Variants in TBC1D19 observed in about 807,000 individuals in gnomAD.
The protein encoded by TBC1D19 is TBC1 domain family, member 19.
TBC1D19 carries 60 observed loss-of-function variants against 89.0 expected under a neutral mutation model. The ratio of observed to expected loss-of-function variants is 0.67; its 90% CI spans 0.55 to 0.84. The LOEUF (loss-of-function observed/expected upper bound fraction) is 0.84. Ranked by LOEUF, TBC1D19 falls within the 40% of genes least tolerant of loss-of-function variation. The pLI, the probability that TBC1D19 is intolerant of heterozygous loss-of-function variation, is 0.00. For synonymous variants in TBC1D19, 189 were observed against 199.7 expected, an observed-to-expected ratio of 0.95 and a Z score of 0.45; for missense variants, 500 against 610.8, an observed-to-expected ratio of 0.82 and a Z score of 1.91.
the TBC1D19 span, among the ~76,000 whole-genome samples, chr4:26,769,882 A>G: frequency 6.6e-6 from 1 of 152,136 alleles, no homozygotes; most frequent in Non-Finnish European, 1.5e-5. Context: ...ATGAAATGAT[A>G]TCACTTGAAG....
chr4:26,763,977 C>G, the TBC1D19 span, among the ~76,000 whole-genome samples: 7 of 152,038 alleles, frequency 4.6e-5, no homozygotes, highest in Non-Finnish European at 8.8e-5. Context: ...TTGCAGCACC[C>G]CTAGGTGATG....
intron 11 of TBC1D19, among the ~76,000 whole-genome samples, chr4:26,680,790 C>T (rs1713267449): frequency 1.3e-5 from 2 of 152,064 alleles, no homozygotes. Flanking sequence ...TTTAGTTCAC[C>T]CTGTTTTCTT....
At chr4:26,597,537 TTTTTTTA>T (rs1287792798) in intron 1 of TBC1D19, among the ~76,000 whole-genome samples, 5 of 149,414 alleles carry the variant, frequency 3.3e-5, no homozygotes, top group Admixed American at 3.3e-4. Flanking sequence ...TTTTTTTTTT[TTTTTTTA>T]AGTAGAGACG....
the TBC1D19 span, among the ~76,000 whole-genome samples, chr4:26,794,064 A>C: frequency 3.9e-5 from 6 of 152,302 alleles, no homozygotes; most frequent in African/African-American, 1.2e-4. Flanking sequence ...AGGATGAAGG[A>C]GAACATGTTC....
the TBC1D19 span, among the ~76,000 whole-genome samples, chr4:26,848,445 A>G: frequency 6.6e-6 from 1 of 152,240 alleles, no homozygotes; most frequent in African/African-American, 2.4e-5. Context: ...TCCTGCATGT[A>G]CTAAGGACAT....
intron 11 of TBC1D19, among the ~76,000 whole-genome samples, chr4:26,679,225 T>A (rs1459445940): frequency 6.6e-6 from 1 of 151,830 alleles, no homozygotes; most frequent in Non-Finnish European, 1.5e-5. Context: ...GAGGGAAAAA[T>A]GGTTTCCTGA....
chr4:26,804,541 A>T, the TBC1D19 span, among the ~76,000 whole-genome samples: 1 of 152,222 alleles, frequency 6.6e-6, no homozygotes. Flanking sequence ...TTTCACCTGG[A>T]GGGAGCCAGT....
chr4:26,793,407 C>A, the TBC1D19 span, among the ~76,000 whole-genome samples: 1 of 152,260 alleles, frequency 6.6e-6, no homozygotes, highest in South Asian at 2.1e-4. Flanking sequence ...ACATGACAAC[C>A]AATGGTACAG....
intron 1 of TBC1D19, among the ~76,000 whole-genome samples, chr4:26,596,336 T>C (rs1740209278): frequency 6.6e-6 from 1 of 152,188 alleles, no homozygotes; most frequent in Non-Finnish European, 1.5e-5. Context: ...GGTTGCATTT[T>C]TCAAGGAATT....
upstream of TBC1D19, among the ~76,000 whole-genome samples, chr4:26,582,212 TAA>T (rs1273211314): frequency 2.0e-5 from 3 of 152,070 alleles, no homozygotes; most frequent in African/African-American, 7.2e-5. Context: ...TTTAATTTAT[TAA>T]TATATATTAA....
intron 1 of TBC1D19, among the ~76,000 whole-genome samples, chr4:26,605,214 C>A (rs1178597943): frequency 1.9e-4 from 23 of 121,950 alleles, no homozygotes; most frequent in Non-Finnish European, 1.7e-5. Context: ...TCCCCCCACC[C>A]CACAACAGTC....
At chr4:26,822,725 C>T in the TBC1D19 span, among the ~76,000 whole-genome samples, 1 of 152,160 alleles carries the variant, frequency 6.6e-6, no homozygotes, top group South Asian at 2.1e-4. Context: ...AGTACATTAG[C>T]TACAGTCAAT....
At chr4:26,712,861 C>T (rs1178498839) in intron 13 of TBC1D19, among the ~76,000 whole-genome samples, 2 of 152,038 alleles carry the variant, frequency 1.3e-5, no homozygotes, top group Non-Finnish European at 2.9e-5. Context: ...GATCTGCCCA[C>T]ATGACCCAGA....
chr4:26,605,473 T>C (rs2109995044), intron 1 of TBC1D19, among the ~76,000 whole-genome samples: 1 of 152,160 alleles, frequency 6.6e-6, no homozygotes, highest in South Asian at 2.1e-4. Flanking sequence ...TTTGGGTTGG[T>C]TCCAAGTCTT....
chr4:26,627,822 C>T (rs1413132161), intron 4 of TBC1D19, among the ~76,000 whole-genome samples: 2 of 151,828 alleles, frequency 1.3e-5, no homozygotes, highest in Non-Finnish European at 2.9e-5. Context: ...AAAATTTTCT[C>T]CCATTTTGTA....
chr4:26,732,141 T>C (rs185944872), intron 15 of TBC1D19, among the ~76,000 whole-genome samples: 181 of 152,324 alleles, frequency 1.2e-3, no homozygotes, highest in Non-Finnish European at 1.2e-3. Flanking sequence ...ATATGATTAC[T>C]TTGATAAGAT....
At chr4:26,842,340 C>CTTTTTTTTTTTTTT in the TBC1D19 span, among the ~76,000 whole-genome samples, 14 of 81,576 alleles carry the variant, frequency 1.7e-4, no homozygotes, top group East Asian at 7.7e-4. Flanking sequence ...CTTTTCTTTT[C>CTTTTTTTTTTTTTT]TTTTTTTTTT....
At position 26,648,052 on chromosome 4, in the gene TBC1D19, A is replaced by G. The variant is rs182514292; in HGVS notation, c.480+7865A>G. On this transcript the variant is annotated intron_variant, in intron 7 of 20. Coordinates refer to ENST00000264866, the MANE Select transcript of TBC1D19 (RefSeq NM_018317.4). The stretch of plus-strand genomic sequence containing the variant: ...CTGCTTCAGCAGTCACACAGGGTCA[A>G]ATAATTGACAACACTCACAAGACTT... 4.6e-5 allele frequency among the ~76,000 whole-genome samples: 7 copies of G among 152,230 alleles called. No homozygotes were observed. In the East Asian group the frequency reaches 1.4e-3, roughly 29 times the overall value.
chr4:26,838,377 C>A, the TBC1D19 span, among the ~76,000 whole-genome samples: 1 of 152,298 alleles, frequency 6.6e-6, no homozygotes, highest in East Asian at 1.9e-4. Flanking sequence ...GTTGTAGACA[C>A]CAGCTCAAAG....
Sources: gnomAD v4.1 joint callset for allele counts (sites outside exome capture counted in the v4.1 genomes callset) on GRCh38, gnomAD v4.1.1 for gene constraint, MANE v1.5 for transcripts, NCBI Gene and HGNC (gene_info 2026-07-23, HGNC 2026-07-21) for gene names.